Variants in APPL1 observed in about 807,000 individuals in gnomAD.
APPL1 encodes DCC-interacting protein 13-alpha.
In APPL1, 42 loss-of-function variants were observed where a neutral mutation model predicts 106.8. That is an observed-to-expected ratio of 0.39 (90% CI 0.31 to 0.51). The LOEUF (loss-of-function observed/expected upper bound fraction) is 0.51, where lower values mean the gene tolerates loss of function less well. Ranked by LOEUF, APPL1 falls within the 20% of genes least tolerant of loss-of-function variation. The pLI, the probability that APPL1 is intolerant of heterozygous loss-of-function variation, is 0.75. For synonymous variants in APPL1, 263 were observed against 281.8 expected, an observed-to-expected ratio of 0.93 and a Z score of 0.67; for missense variants, 769 against 858.2, an observed-to-expected ratio of 0.90 and a Z score of 1.30.
chr3:57,259,840 T>C lies in APPL1; in HGVS notation c.1484-5T>C, dbSNP rs2060855931. 2 of 1,576,754 alleles carry C rather than the reference T, an allele frequency of 1.3e-6. No individual in the cohort carries two copies. Among genetic ancestry groups the C allele is most frequent in the Non-Finnish European group, 8.6e-7 (1 of 1,165,370 alleles). On this transcript the variant is annotated splice_polypyrimidine_tract_variant and splice_region_variant and intron_variant, in intron 16 of 21. Transcript: ENST00000288266. ...AAATATGTAATACACCTTGTTCTATTATAGATTCTATTCTTCATCAGTTAT... is the reference window on the plus strand; with the variant it reads ...AAATATGTAATACACCTTGTTCTATCATAGATTCTATTCTTCATCAGTTAT...
At chr3:57,256,617 T>G (rs1173671618) in intron 13 of APPL1, among the ~76,000 whole-genome samples, 2 of 152,188 alleles carry the variant, frequency 1.3e-5, no homozygotes, top group Non-Finnish European at 2.9e-5. Context: ...CAATACAAAC[T>G]TTAATAAAAA....
intron 1 of APPL1, among the ~76,000 whole-genome samples, chr3:57,234,430 T>C (rs991374645): frequency 6.7e-4 from 102 of 151,210 alleles, no homozygotes; most frequent in African/African-American, 2.4e-3. Flanking sequence ...CCTGAGTAGC[T>C]GGGACTGCAG....
intron 10 of APPL1, 113 bp downstream of exon 10, chr3:57,248,464 T>C: frequency 8.3e-7 from 1 of 1,199,530 alleles, no homozygotes; most frequent in Admixed American, 2.6e-5. Flanking sequence ...AGGTTGAAAC[T>C]TTTTAGAGGT....
At chr3:57,247,546 A>ATTT (rs2060780889) in intron 9 of APPL1, 69 bp downstream of exon 9, 1 of 989,592 alleles carries the variant, frequency 1.0e-6, no homozygotes, top group African/African-American at 1.6e-5. Context: ...GACATAATGT[A>ATTT]AAGATATTTA....
chr3:57,242,921 T>G lies in APPL1; in HGVS notation c.474+7T>G. On this transcript the variant is annotated splice_region_variant and intron_variant, in intron 7 of 21. Coordinates refer to ENST00000288266, the MANE Select transcript of APPL1 (RefSeq NM_012096.3). ...AAAAAGAGAAAATGACAAGGTGTGGTACATATTTATTCCTTCAGTGTCATA... is the reference window on the plus strand; with the variant it reads ...AAAAAGAGAAAATGACAAGGTGTGGGACATATTTATTCCTTCAGTGTCATA... 1 of 1,601,938 alleles carries G rather than the reference T, an allele frequency of 6.2e-7. No homozygotes were observed.
chr3:57,239,076 G>A lies in APPL1; in HGVS notation c.285+960G>A, dbSNP rs532799176. On this transcript the variant is annotated intron_variant, in intron 4 of 21. Transcript: ENST00000288266. ...GCACATCTTACATGGCGGCAGATGA[G>A]AGAGAATGAAAGACAAGTGAAAGGG... is the stretch of plus-strand genomic sequence containing the variant. Among the ~76,000 whole-genome samples, 179 of 152,306 alleles carry A rather than the reference G, an allele frequency of 1.2e-3. 2 individuals carry two copies. The highest frequency in any genetic ancestry group is 3.6e-3 in the African/African-American group (151 of 41,572).
Position 57,269,556 on chromosome 3 carries a change from A to G in APPL1, c.1999A>G (p.Ser667Gly). 2 of 1,613,956 alleles carry G rather than the reference A, an allele frequency of 1.2e-6. No homozygotes were observed. The highest frequency in any genetic ancestry group is 1.7e-6 in the Non-Finnish European group (2 of 1,179,942). The change falls in exon 22 of 22, where the codon AGT becomes GGT. Residue 667 changes from serine (S) to glycine (G), a missense_variant. Physicochemically the swap from Ser to Gly is moderately conservative, Grantham distance 56. Transcript: ENST00000288266. ...KQIEKDLEEQ[S>G]RLIAASSRPN... ...TTTCCACTAGGACTTGGAAGAACAAAGTCGGTTGATAGCTGCTTCCAGTAG... is the reference window on the plus strand; with the variant it reads ...TTTCCACTAGGACTTGGAAGAACAAGGTCGGTTGATAGCTGCTTCCAGTAG...
In APPL1 at chr3:57,269,823, A is replaced by T. The variant is rs779803591; in HGVS notation, c.*136A>T. 390 of 992,760 alleles carry T rather than the reference A, an allele frequency of 3.9e-4. No homozygotes were observed. Among genetic ancestry groups the T allele is most frequent in the Non-Finnish European group, 5.2e-4 (362 of 694,422 alleles). 61.5% of individuals were successfully genotyped at this position (992,760 alleles called of 1,614,324 possible). A position where few individuals can be genotyped will look rare whatever the true frequency, so the allele number is the denominator to read the frequency against. ...TGCTTATTTGTTGTAGCTACATTTT[A>T]AAAAAAAGATTGAACTTGATGACTT... On this transcript the variant is annotated 3_prime_UTR_variant, in exon 22 of 22. Coordinates refer to ENST00000288266, the MANE Select transcript of APPL1 (RefSeq NM_012096.3).
chr3:57,272,157 AGCCT>A lies in APPL1; in HGVS notation c.*2475_*2478del, dbSNP rs1341011366. The A allele has an allele frequency of 2.6e-5, 4 of 152,236 alleles. No homozygotes were observed. Among genetic ancestry groups the A allele is most frequent in the African/African-American group, 9.6e-5 (4 of 41,462 alleles). 9.4% of individuals were successfully genotyped at this position (152,236 alleles called of 1,614,324 possible). On this transcript the variant is annotated 3_prime_UTR_variant, in exon 22 of 22. Transcript: ENST00000288266. The stretch of plus-strand genomic sequence containing the variant: ...TCCTTTTTAAAAAGAAAAGATATTA[AGCCT>A]GCCTACTTCTACAATGCATTCTGTT...
rs77788725 is a variant in APPL1 at position 57,243,096 on chromosome 3, A to G, written c.474+182A>G. ...AATCATTGACCTCTTTAAACAAAAT[A>G]TTTTCTTCTGCCAAAATTTGATGTT... On this transcript the variant is annotated intron_variant, in intron 7 of 21. Coordinates refer to ENST00000288266, the MANE Select transcript of APPL1 (RefSeq NM_012096.3). Among the ~76,000 whole-genome samples, 759 of 152,212 alleles carry G rather than the reference A, an allele frequency of 5.0e-3. 9 individuals carry two copies. The highest frequency in any genetic ancestry group is 0.017 in the African/African-American group (698 of 41,552).
chr3:57,262,552 C>T (rs571173688), intron 19 of APPL1, among the ~76,000 whole-genome samples: 111 of 151,248 alleles, frequency 7.3e-4, no homozygotes, highest in Non-Finnish European at 1.3e-3. Context: ...CCACCATGCC[C>T]GGCTAATTTT....
At chr3:57,259,777 G>A (rs1350488795) in intron 16 of APPL1, 68 bp from the exon 17 acceptor site, 17 of 1,278,792 alleles carry the variant, frequency 1.3e-5, no homozygotes, top group Non-Finnish European at 2.1e-6. Context: ...AAGAAATATG[G>A]CGAAAAAAAT....
Position 57,267,745 on chromosome 3 carries a change from T to C in APPL1, c.1846T>C (p.Cys616Arg). The stretch of plus-strand genomic sequence containing the variant: ...TTCATACTTTTTCTCTTTTTAGATA[T>C]GTGATTCTGTTGGACTGGCAAAACA... ...FESNNEGEKICDSVGLAKQIA... is the reference protein window; with the variant it reads ...FESNNEGEKIRDSVGLAKQIA... Residue 616 changes from cysteine to arginine, a missense_variant, in exon 20 of 22, where the codon TGT becomes CGT. Cys to Arg is a radical substitution (Grantham distance 180). Transcript: ENST00000288266. 4 of 1,613,962 alleles carry C rather than the reference T, an allele frequency of 2.5e-6. No homozygotes were observed. Among genetic ancestry groups the C allele is most frequent in the Non-Finnish European group, 3.4e-6 (4 of 1,179,970 alleles).
intron 15 of APPL1, among the ~76,000 whole-genome samples, chr3:57,257,810 G>T (rs1404951766): frequency 6.6e-6 from 1 of 152,082 alleles, no homozygotes; most frequent in East Asian, 1.9e-4. Flanking sequence ...ACCAGAATAA[G>T]AAATCTTCAG....
intron 1 of APPL1, among the ~76,000 whole-genome samples, chr3:57,234,113 A>T (rs2060703302): frequency 6.6e-6 from 1 of 152,076 alleles, no homozygotes; most frequent in African/African-American, 2.4e-5. Flanking sequence ...AACAGTTTCT[A>T]AGGCTGAGGC....
chr3:57,269,664 A>G lies in APPL1; in HGVS notation c.2107A>G (p.Lys703Glu). The G allele has an allele frequency of 6.2e-7, 1 of 1,614,008 alleles. No individual in the cohort carries two copies. Among genetic ancestry groups the G allele is most frequent in the Non-Finnish European group, 8.5e-7 (1 of 1,179,920 alleles). ...SEESDLGEGG[K>E]KRESEA ...AGAGAGTGATTTGGGAGAAGGAGGA[A>G]AGAAGAGAGAATCAGAAGCATAAGC... The change falls in exon 22 of 22, where the codon AAG becomes GAG. Residue 703 changes from lysine (K) to glutamate (E), a missense_variant. Lys to Glu is a moderately conservative substitution (Grantham distance 56). Transcript: ENST00000288266.
Position 57,235,492 on chromosome 3 carries a change from T to G in APPL1, c.55-74T>G, listed in dbSNP as rs1458381367. On this transcript the variant is annotated intron_variant, in intron 1 of 21. Transcript: ENST00000288266. ...ACTTTAATATCCTACGATTTTTGCTTCCTTTAGAAAAAATATTTTTCCATC... is the reference window on the plus strand; with the variant it reads ...ACTTTAATATCCTACGATTTTTGCTGCCTTTAGAAAAAATATTTTTCCATC... 5 of 946,872 alleles carry G rather than the reference T, an allele frequency of 5.3e-6. No individual in the cohort carries two copies. In the African/African-American group the frequency reaches 6.6e-5, roughly 13 times the overall value. The allele number at this position is 946,872 out of a possible 1,614,324, so 58.7% of individuals were successfully genotyped here. A position where few individuals can be genotyped will look rare whatever the true frequency, so the allele number is the denominator to read the frequency against.
In APPL1 at chr3:57,271,359, AAGT is replaced by A. The variant is rs1240323021; in HGVS notation, c.*1675_*1677del. On this transcript the variant is annotated 3_prime_UTR_variant, in exon 22 of 22. Transcript: ENST00000288266. ...TATGTTACCAAAACATACAGTAAAA[AAGT>A]AGAAATTTATGAAATACTTTTGATA... 1 of 152,628 alleles carries A rather than the reference AAGT, an allele frequency of 6.6e-6. No individual in the cohort carries two copies. The highest frequency in any genetic ancestry group is 1.9e-4 in the East Asian group (1 of 5,198). 9.5% of individuals were successfully genotyped at this position (152,628 alleles called of 1,614,324 possible).
At chr3:57,232,262 T>G (rs2060690584) in intron 1 of APPL1, among the ~76,000 whole-genome samples, 1 of 152,234 alleles carries the variant, frequency 6.6e-6, no homozygotes, top group Non-Finnish European at 1.5e-5. Flanking sequence ...TGTTTTTGCA[T>G]AATATGAATT....
Sources: allele counts gnomAD v4.1 joint callset (sites outside exome capture counted in the v4.1 genomes callset), GRCh38; gene constraint gnomAD v4.1.1; transcripts MANE v1.5; gene names NCBI Gene and HGNC (gene_info 2026-07-23, HGNC 2026-07-21).